NCOA6: variants seen among roughly 807,000 people sequenced by gnomAD.
NCOA6 encodes nuclear receptor coactivator 6.
In NCOA6, 49 loss-of-function variants were observed where a neutral mutation model predicts 171.4. The ratio of observed to expected loss-of-function variants is 0.29; its 90% CI spans 0.23 to 0.36. The LOEUF is 0.36. Among genes scored for constraint, NCOA6 ranks in the 10% least tolerant of loss-of-function variants. NCOA6 has a pLI of 1.00. For synonymous variants in NCOA6, 910 were observed against 927.5 expected (o/e 0.98, Z 0.34); for missense variants, 2,248 against 2,554.5 (o/e 0.88, Z 2.59).
chr20:34,754,648 A>G, intron 8 of NCOA6, 74 bp downstream of exon 8: 1 of 1,565,950 alleles, frequency 6.4e-7, no homozygotes, highest in South Asian at 1.1e-5. Context: ...ACTTATCTGT[A>G]TACTCCTGTT....
intron 7 of NCOA6, among the ~76,000 whole-genome samples, chr20:34,755,497 C>G (rs1600868987): frequency 6.6e-6 from 1 of 152,270 alleles, no homozygotes; most frequent in East Asian, 1.9e-4. Flanking sequence ...TGCTGTGATT[C>G]TGACAGGTTT....
At position 34,790,847 on chromosome 20, in the gene NCOA6, C is replaced by T. The variant is rs762624285; in HGVS notation, c.-50+1603G>A. 5.9e-5 allele frequency among the ~76,000 whole-genome samples: 9 copies of T among 151,688 alleles called. No individual in the cohort carries two copies. The Middle Eastern group carries it at 0.014, about 234-fold the overall frequency. On this transcript the variant is annotated intron_variant, in intron 2 of 14. Transcript: ENST00000359003. ...TTTGTTTTTAGGAGAGATGAGGTTT[C>T]ACCATATTGGCCAGGCTAGTCTCAA...
At chr20:34,825,441 C>A (rs2079126440) in intron 1 of NCOA6, 31 bp downstream of exon 1, 1 of 149,114 alleles carries the variant, frequency 6.7e-6, no homozygotes, top group African/African-American at 2.4e-5. Flanking sequence ...GCGGGCCCAC[C>A]CCTTACGGGC....
Position 34,736,766 on chromosome 20 carries a change from A to G in NCOA6, c.5894-8T>C. 1 of 1,603,000 alleles carries G rather than the reference A, an allele frequency of 6.2e-7. No individual in the cohort carries two copies. The highest frequency in any genetic ancestry group is 8.5e-7 in the Non-Finnish European group (1 of 1,174,366). Reference sequence around the variant, plus strand: ...CTAAATTCTGCGACGGGGCTAAGGCAAGGAAAAAAAAATTACAGACCTTTT... The same window carrying G: ...CTAAATTCTGCGACGGGGCTAAGGCGAGGAAAAAAAAATTACAGACCTTTT... On this transcript the variant is annotated splice_region_variant and splice_polypyrimidine_tract_variant and intron_variant, in intron 11 of 14. Coordinates refer to ENST00000359003, the MANE Select transcript of NCOA6 (RefSeq NM_014071.5).
intron 14 of NCOA6, among the ~76,000 whole-genome samples, chr20:34,723,956 T>C (rs1049847829): frequency 5.3e-5 from 8 of 152,192 alleles, no homozygotes; most frequent in Non-Finnish European, 1.0e-4. Context: ...CCATATTCTA[T>C]AGCCTAGAAG....
intron 5 of NCOA6, among the ~76,000 whole-genome samples, chr20:34,759,164 C>A (rs972790642): frequency 6.6e-6 from 1 of 151,922 alleles, no homozygotes; most frequent in Non-Finnish European, 1.5e-5. Flanking sequence ...GGACCATGGG[C>A]ACATGCCACT....
intron 13 of NCOA6, among the ~76,000 whole-genome samples, chr20:34,731,228 C>T (rs1289305604): frequency 6.6e-6 from 1 of 152,066 alleles, no homozygotes; most frequent in Non-Finnish European, 1.5e-5. Context: ...CCATTTTGGC[C>T]AGGGTGGTAT....
At chr20:34,809,147 T>A (rs1427851400) in intron 1 of NCOA6, among the ~76,000 whole-genome samples, 3 of 152,226 alleles carry the variant, frequency 2.0e-5, no homozygotes, top group Non-Finnish European at 2.9e-5. Flanking sequence ...AGTGAGAAAT[T>A]CACCTTTTTG....
chr20:34,740,640 T>G lies in NCOA6; in HGVS notation c.5616A>C (p.Thr1872=). Residue 1872 remains threonine (T), a synonymous_variant, in exon 11 of 15, where the codon ACA becomes ACC. Transcript: ENST00000359003. ...GCGTTGGGGTTTTACTGTCCAGCTC[T>G]GTGGATAACTGCTCTGTTCCCATGA... ...PGLMGTEQLS[T]ELDSKTPTPP... is the part of the protein sequence containing the mutation. 1 of 1,614,224 alleles carries G rather than the reference T, an allele frequency of 6.2e-7. No homozygotes were observed. The highest frequency in any genetic ancestry group is 8.5e-7 in the Non-Finnish European group (1 of 1,180,040).
At chr20:34,771,714 C>T (rs953198250) in intron 4 of NCOA6, among the ~76,000 whole-genome samples, 1 of 152,168 alleles carries the variant, frequency 6.6e-6, no homozygotes, top group Non-Finnish European at 1.5e-5. Context: ...GCTTCTCACC[C>T]CAAGGCCTTT....
At position 34,736,759 on chromosome 20, in the gene NCOA6, C is replaced by A. The variant is rs1293614391; in HGVS notation, c.5894-1G>T. On this transcript the variant is annotated splice_acceptor_variant, in intron 11 of 14. Coordinates refer to ENST00000359003, the MANE Select transcript of NCOA6 (RefSeq NM_014071.5). LOFTEE classifies it high-confidence loss of function. ...TTTGAGACTAAATTCTGCGACGGGG[C>A]TAAGGCAAGGAAAAAAAAATTACAG... is the stretch of plus-strand genomic sequence containing the variant. 6.2e-7 allele frequency: 1 copy of A among 1,606,042 alleles called. No individual in the cohort carries two copies. Among genetic ancestry groups the A allele is most frequent in the Non-Finnish European group, 8.5e-7 (1 of 1,176,004 alleles).
intron 1 of NCOA6, among the ~76,000 whole-genome samples, chr20:34,818,711 G>T (rs2078916112): frequency 6.6e-6 from 1 of 152,302 alleles, no homozygotes; most frequent in Non-Finnish European, 1.5e-5. Context: ...TAGTATCCCA[G>T]CTCCATAACA....
chr20:34,748,804 C>G (rs945719668), intron 9 of NCOA6, among the ~76,000 whole-genome samples: 15 of 152,120 alleles, frequency 9.9e-5, no homozygotes, highest in African/African-American at 1.7e-4. Context: ...GGAAAGGCAC[C>G]TGTGCAAAAA....
At chr20:34,784,611 T>A (rs911183900) in intron 2 of NCOA6, among the ~76,000 whole-genome samples, 3 of 151,902 alleles carry the variant, frequency 2.0e-5, no homozygotes, top group African/African-American at 7.3e-5. Flanking sequence ...TGAGACCTTG[T>A]CTCTACAAAA....
chr20:34,785,843 A>T (rs1195904063), intron 2 of NCOA6, among the ~76,000 whole-genome samples: 1 of 151,352 alleles, frequency 6.6e-6, no homozygotes, highest in Admixed American at 6.6e-5. Context: ...AGGAATTGTC[A>T]GTTTAACAAT....
At chr20:34,752,244 C>A (rs924140902) in intron 8 of NCOA6, among the ~76,000 whole-genome samples, 1 of 152,164 alleles carries the variant, frequency 6.6e-6, no homozygotes, top group African/African-American at 2.4e-5. Flanking sequence ...AGGCAGGGGG[C>A]AAACTACCTT....
intron 7 of NCOA6, among the ~76,000 whole-genome samples, chr20:34,756,425 T>C (rs2076643727): frequency 6.6e-6 from 1 of 152,182 alleles, no homozygotes; most frequent in Non-Finnish European, 1.5e-5. Flanking sequence ...GGGTGTCTTT[T>C]GGTGGGGAGT....
At chr20:34,720,819 G>A (rs1054237547) in intron 14 of NCOA6, among the ~76,000 whole-genome samples, 11 of 151,990 alleles carry the variant, frequency 7.2e-5, no homozygotes, top group Admixed American at 2.0e-4. Flanking sequence ...TCACATTCTG[G>A]GTATGGGTTT....
At chr20:34,781,229 A>T (rs1248105336) in intron 3 of NCOA6, among the ~76,000 whole-genome samples, 1 of 152,220 alleles carries the variant, frequency 6.6e-6, no homozygotes, top group Non-Finnish European at 1.5e-5. Context: ...AAATCTCAAA[A>T]GATAAAACCC....
Sources: gnomAD v4.1 joint callset for allele counts (sites outside exome capture counted in the v4.1 genomes callset) on GRCh38, gnomAD v4.1.1 for gene constraint, MANE v1.5 for transcripts, NCBI Gene and HGNC (gene_info 2026-07-23, HGNC 2026-07-21) for gene names.